Variants in AKAP6 observed in about 807,000 individuals in gnomAD.
The protein encoded by AKAP6 is A-kinase anchor protein 6.
Under a neutral mutation model 188.5 loss-of-function variants are expected in AKAP6, and 58 were observed. That is an observed-to-expected ratio of 0.31 (90% CI 0.25 to 0.38). The LOEUF is 0.38. AKAP6 is among the 10% of genes least tolerant of loss of function. AKAP6 has a pLI of 1.00. For missense variants in AKAP6, 2,710 were observed against 2,740.0 expected (o/e 0.99, Z 0.24); for synonymous variants, 989 against 998.6 (o/e 0.99, Z 0.18).
intron 2 of AKAP6, among the ~76,000 whole-genome samples, chr14:32,446,920 T>C (rs1189798076): frequency 6.6e-6 from 1 of 152,200 alleles, no homozygotes; most frequent in Non-Finnish European, 1.5e-5. Context: ...ATTATTTGTT[T>C]GTGGTCTTTT....
At chr14:32,754,794 C>A (rs1297158025) in intron 11 of AKAP6, among the ~76,000 whole-genome samples, 1 of 152,104 alleles carries the variant, frequency 6.6e-6, no homozygotes, top group African/African-American at 2.4e-5. Flanking sequence ...AGAATACTTT[C>A]TTTTCCTTTA....
intron 1 of AKAP6, among the ~76,000 whole-genome samples, chr14:32,334,596 A>G (rs1205218522): frequency 1.3e-5 from 2 of 152,228 alleles, no homozygotes; most frequent in African/African-American, 2.4e-5. Flanking sequence ...TCACAGGTAT[A>G]TATGTATAGG....
At chr14:32,672,930 A>G (rs543536070) in intron 7 of AKAP6, among the ~76,000 whole-genome samples, 2 of 152,346 alleles carry the variant, frequency 1.3e-5, no homozygotes, top group African/African-American at 2.4e-5. Context: ...GATTAAGGCC[A>G]TCACAGAAAT....
At chr14:32,368,857 GT>G (rs1250657488) in intron 1 of AKAP6, among the ~76,000 whole-genome samples, 1 of 148,210 alleles carries the variant, frequency 6.7e-6, no homozygotes, top group Non-Finnish European at 1.5e-5. Context: ...GAAACTTATA[GT>G]TTAGTGGATA....
chr14:32,336,885 A>T (rs1392732021), intron 1 of AKAP6, among the ~76,000 whole-genome samples: 1 of 152,162 alleles, frequency 6.6e-6, no homozygotes, highest in Non-Finnish European at 1.5e-5. Context: ...TGAGGCCCTC[A>T]TCTCCCTGCC....
Position 32,375,706 on chromosome 14 carries a change from TAAC to T in AKAP6, c.-35+46302_-35+46304del, listed in dbSNP as rs541141983. Among the ~76,000 whole-genome samples the T allele has an allele frequency of 2.0e-3, 310 of 152,278 alleles. 2 individuals are homozygous for T. Among genetic ancestry groups the T allele is most frequent in the African/African-American group, 7.2e-3 (301 of 41,564 alleles). On this transcript the variant is annotated intron_variant, in intron 1 of 13. Coordinates refer to ENST00000280979, the MANE Select transcript of AKAP6 (RefSeq NM_004274.5). The stretch of plus-strand genomic sequence containing the variant: ...CATGGGCTCATCGAATCCTTCCTGT[TAAC>T]AACCCTATTTTATAGGTATGCAAAT...
At chr14:32,592,751 A>G (rs1156866688) in intron 5 of AKAP6, among the ~76,000 whole-genome samples, 1 of 152,176 alleles carries the variant, frequency 6.6e-6, no homozygotes, top group East Asian at 1.9e-4. Flanking sequence ...TCCATTCTGC[A>G]TGTATCAAGG....
At chr14:32,438,751 A>G (rs548382166) in intron 2 of AKAP6, 48 of 152,366 alleles carry the variant, frequency 3.2e-4, no homozygotes, top group African/African-American at 1.1e-3. Context: ...CTTTGGATTC[A>G]GAAGCTGTGC....
At chr14:32,571,660 C>G (rs933995161) in intron 4 of AKAP6, among the ~76,000 whole-genome samples, 3 of 152,212 alleles carry the variant, frequency 2.0e-5, no homozygotes, top group Admixed American at 6.5e-5. Flanking sequence ...CCTAATTTCT[C>G]TGTCCACTAA....
intron 12 of AKAP6, among the ~76,000 whole-genome samples, chr14:32,803,294 A>G (rs563421563): frequency 6.7e-6 from 1 of 149,118 alleles, no homozygotes; most frequent in Non-Finnish European, 1.5e-5. Flanking sequence ...AAAAAAAACA[A>G]AACAAATATT....
chr14:32,622,503 C>T (rs906928148), intron 7 of AKAP6, among the ~76,000 whole-genome samples: 3 of 151,906 alleles, frequency 2.0e-5, no homozygotes, highest in African/African-American at 7.3e-5. Flanking sequence ...AAGGTGCTGA[C>T]CCTAGGGACC....
At chr14:32,719,708 G>T (rs1446936777) in intron 9 of AKAP6, among the ~76,000 whole-genome samples, 2 of 152,098 alleles carry the variant, frequency 1.3e-5, no homozygotes, top group African/African-American at 4.8e-5. Flanking sequence ...GATACAAAAG[G>T]CACTAATGAA....
chr14:32,614,966 C>T (rs914436328), intron 7 of AKAP6, among the ~76,000 whole-genome samples: 31 of 151,708 alleles, frequency 2.0e-4, no homozygotes, highest in South Asian at 4.2e-4. Context: ...GTCAAGAGAT[C>T]GAGACCATCC....
chr14:32,830,242 A>G lies in AKAP6; in HGVS notation c.*437A>G, dbSNP rs1210405056. Reference sequence around the variant, plus strand: ...AGTACTTGACCAATTTCATGTATCAATCTGGATTTTTTTTTAACGGTATAA... The same window carrying G: ...AGTACTTGACCAATTTCATGTATCAGTCTGGATTTTTTTTTAACGGTATAA... On this transcript the variant is annotated 3_prime_UTR_variant, in exon 14 of 14. Transcript: ENST00000280979. The G allele has an allele frequency of 2.8e-6, 1 of 351,920 alleles. No homozygotes were observed. Among genetic ancestry groups the G allele is most frequent in the African/African-American group, 2.1e-5 (1 of 47,462 alleles). The allele number at this position is 351,920 out of a possible 1,614,324, so 21.8% of individuals were successfully genotyped here. A position where few individuals can be genotyped will look rare whatever the true frequency, so the allele number is the denominator to read the frequency against.
intron 9 of AKAP6, among the ~76,000 whole-genome samples, chr14:32,725,243 A>G (rs916236709): frequency 1.3e-5 from 2 of 152,194 alleles, no homozygotes; most frequent in African/African-American, 4.8e-5. Context: ...TGTATCTTGC[A>G]GAGAGCATTC....
chr14:32,541,801 T>A (rs112081261), intron 3 of AKAP6, among the ~76,000 whole-genome samples: 111 of 152,362 alleles, frequency 7.3e-4, no homozygotes, highest in African/African-American at 2.6e-3. Context: ...AATCTCACTA[T>A]TACTCTTTTA....
intron 1 of AKAP6, among the ~76,000 whole-genome samples, chr14:32,371,705 G>A (rs1888012619): frequency 6.6e-6 from 1 of 152,168 alleles, no homozygotes; most frequent in South Asian, 2.1e-4. Flanking sequence ...GAAAAGGTGG[G>A]ATTAACTGTT....
At chr14:32,779,701 A>C (rs1333046822) in intron 12 of AKAP6, among the ~76,000 whole-genome samples, 1 of 152,214 alleles carries the variant, frequency 6.6e-6, no homozygotes, top group Non-Finnish European at 1.5e-5. Flanking sequence ...AGGAGACAAC[A>C]AAAACAGACC....
In AKAP6 at chr14:32,546,638, C is replaced by G. The variant is rs749807271; in HGVS notation, c.1985C>G (p.Thr662Ser). 2.5e-6 allele frequency: 4 copies of G among 1,614,106 alleles called. No homozygotes were observed. Among genetic ancestry groups the G allele is most frequent in the Non-Finnish European group, 3.4e-6 (4 of 1,180,004 alleles). ...KLLPQKPRGE[T>S]IQNIDDWELS... ...CTGCCTCAGAAACCCAGAGGAGAAACCATCCAGAATATTGATGACTGGGAA... is the reference window on the plus strand; with the variant it reads ...CTGCCTCAGAAACCCAGAGGAGAAAGCATCCAGAATATTGATGACTGGGAA... The change falls in exon 4 of 14, where the codon ACC becomes AGC. Residue 662 changes from threonine (T) to serine (S), a missense_variant. Thr to Ser is a moderately conservative substitution (Grantham distance 58). Around this residue, in one of 2 missense-constraint regions of AKAP6, gnomAD observed 2,473 missense variants for 2,426.1 expected, o/e 1.02. Transcript: ENST00000280979.
Sources: allele counts gnomAD v4.1 joint callset (sites outside exome capture counted in the v4.1 genomes callset), GRCh38; gene constraint gnomAD v4.1.1; regional missense constraint gnomAD v4.1.1; transcripts MANE v1.5; gene names NCBI Gene and HGNC (gene_info 2026-07-23, HGNC 2026-07-21).